Variants in ADAMTS19 observed in about 807,000 individuals in gnomAD.
The protein encoded by ADAMTS19 is ADAM metallopeptidase with thrombospondin type 1 motif 19.
In ADAMTS19, 93 loss-of-function variants were observed where a neutral mutation model predicts 153.3. The ratio of observed to expected loss-of-function variants is 0.61; its 90% CI spans 0.51 to 0.72. The LOEUF is 0.72. ADAMTS19 is among the 30% of genes least tolerant of loss of function. The pLI is 0.00. For missense variants in ADAMTS19, 1,482 were observed against 1,552.1 expected (o/e 0.95, Z 0.76); for synonymous variants, 600 against 556.6 (o/e 1.08, Z -1.10).
chr5:129,526,179 ATG>A, intron 3 of ADAMTS19, 103 bp from the exon 4 acceptor site: 1 of 917,734 alleles, frequency 1.1e-6, no homozygotes, highest in Non-Finnish European at 1.5e-6. Flanking sequence ...TTAAGATTTT[ATG>A]TGTGTCGGGA....
rs552446859 is a variant in ADAMTS19 at position 129,659,763 on chromosome 5, G to T, written c.2425+1026G>T. ...GCCCAGCTAATTTTTTTTTAATTTT[G>T]TTTTTTGTAAACATGGGGTCTCACT... On this transcript the variant is annotated intron_variant, in intron 15 of 22. Coordinates refer to ENST00000274487, the MANE Select transcript of ADAMTS19 (RefSeq NM_133638.6). Among the ~76,000 whole-genome samples, 4 of 151,646 alleles carry T rather than the reference G, an allele frequency of 2.6e-5. No individual in the cohort carries two copies. In the South Asian group the frequency reaches 8.3e-4, roughly 32 times the overall value.
At chr5:129,596,209 T>G (rs944675481) in intron 7 of ADAMTS19, among the ~76,000 whole-genome samples, 1 of 152,108 alleles carries the variant, frequency 6.6e-6, no homozygotes, top group Non-Finnish European at 1.5e-5. Context: ...ATATTTAAAA[T>G]AATCATTGCT....
chr5:129,461,250 G>C lies in ADAMTS19; in HGVS notation c.240G>C (p.Ala80=). The C allele has an allele frequency of 7.9e-7, 1 of 1,263,236 alleles. No homozygotes were observed. Among genetic ancestry groups the C allele is most frequent in the Non-Finnish European group, 9.9e-7 (1 of 1,009,870 alleles). The allele number at this position is 1,263,236 out of a possible 1,614,324, so 78.3% of individuals were successfully genotyped here. A position where few individuals can be genotyped will look rare whatever the true frequency, so the allele number is the denominator to read the frequency against. Residue 80 remains alanine, a synonymous_variant, in exon 2 of 23, where the codon GCG becomes GCC. Transcript: ENST00000274487. This position sits in a 1 kb window ranked among gnomAD's most constrained non-coding sequence, Gnocchi z 4.6. The part of the protein sequence containing the change: ...RGVGGGGSAR[A]QAAGSSREVR... ...TTGGGGGCGGCGGAAGCGCCCGGGCGCAGGCTGCCGGCAGCTCACGCGAGG... is the reference window on the plus strand; with the variant it reads ...TTGGGGGCGGCGGAAGCGCCCGGGCCCAGGCTGCCGGCAGCTCACGCGAGG...
intron 2 of ADAMTS19, among the ~76,000 whole-genome samples, chr5:129,484,391 G>A (rs866169371): frequency 5.9e-5 from 9 of 151,972 alleles, no homozygotes; most frequent in African/African-American, 1.4e-4. Flanking sequence ...ATGTAACAAC[G>A]ATTCCAAATT....
intron 17 of ADAMTS19, among the ~76,000 whole-genome samples, chr5:129,681,178 A>G (rs9327532): frequency 0.027 from 4,090 of 152,296 alleles, 175 homozygotes; most frequent in African/African-American, 0.092. Context: ...ATTTGCTTCT[A>G]CTACTTTAGT....
intron 8 of ADAMTS19, among the ~76,000 whole-genome samples, chr5:129,617,804 T>A (rs955542805): frequency 1.3e-5 from 2 of 152,078 alleles, no homozygotes; most frequent in Non-Finnish European, 2.9e-5. Context: ...TGTTATTTTC[T>A]TGGTTTTTCT....
At chr5:129,641,550 G>T (rs771457147) in intron 10 of ADAMTS19, among the ~76,000 whole-genome samples, 19 of 152,092 alleles carry the variant, frequency 1.2e-4, no homozygotes, top group Non-Finnish European at 2.6e-4. Context: ...TATAAATGAT[G>T]ATTTCTGTCT....
rs1391326071 is a variant in ADAMTS19, at chr5:129,578,374, G to T, written c.1373-18185G>T. ...TATACCTATATGCATGTATATGTACGTATACGTACATATACCTATATGCAT... is the reference window on the plus strand; with the variant it reads ...TATACCTATATGCATGTATATGTACTTATACGTACATATACCTATATGCAT... On this transcript the variant is annotated intron_variant, in intron 7 of 22. Transcript: ENST00000274487. Among the ~76,000 whole-genome samples, 35 of 116,170 alleles carry T rather than the reference G, an allele frequency of 3.0e-4. No individual in the cohort carries two copies. The East Asian group carries it at 9.8e-3, about 33-fold the overall frequency. 76.2% of individuals were successfully genotyped at this position (116,170 alleles called of 152,430 possible).
At chr5:129,671,316 A>C (rs1408581229) in intron 16 of ADAMTS19, among the ~76,000 whole-genome samples, 2 of 152,156 alleles carry the variant, frequency 1.3e-5, no homozygotes, top group African/African-American at 4.8e-5. Flanking sequence ...AAATTCAAGG[A>C]TGACTTCTAG....
At chr5:129,715,564 T>C (rs1021297252) in intron 21 of ADAMTS19, among the ~76,000 whole-genome samples, 3 of 152,164 alleles carry the variant, frequency 2.0e-5, no homozygotes, top group Non-Finnish European at 4.4e-5. Context: ...TTGAGAATTT[T>C]TTATGAGATT....
chr5:129,486,284 T>A (rs1378719940), intron 2 of ADAMTS19, among the ~76,000 whole-genome samples: 1 of 152,158 alleles, frequency 6.6e-6, no homozygotes, highest in Non-Finnish European at 1.5e-5. Context: ...GGATTAATTA[T>A]AAGAAAAATC....
At chr5:129,593,136 C>A (rs1179897806) in intron 7 of ADAMTS19, among the ~76,000 whole-genome samples, 4 of 151,956 alleles carry the variant, frequency 2.6e-5, no homozygotes, top group Admixed American at 2.6e-4. Flanking sequence ...AAGAAAGAAA[C>A]AAAAGTTGTA....
intron 14 of ADAMTS19, among the ~76,000 whole-genome samples, chr5:129,655,739 G>A (rs1753519739): frequency 6.6e-6 from 1 of 152,120 alleles, no homozygotes; most frequent in African/African-American, 2.4e-5. Context: ...GTACTTCTGG[G>A]TAAGAAGCTG....
chr5:129,598,361 T>C (rs1260831844), intron 8 of ADAMTS19, among the ~76,000 whole-genome samples: 1 of 152,152 alleles, frequency 6.6e-6, no homozygotes, highest in African/African-American at 2.4e-5. Context: ...CGCACTTCAG[T>C]AAAGTTTAGT....
intron 6 of ADAMTS19, among the ~76,000 whole-genome samples, chr5:129,549,908 G>A (rs1448113207): frequency 3.1e-4 from 35 of 113,810 alleles, no homozygotes; most frequent in Middle Eastern, 0.01. Context: ...ACATGTATCC[G>A]TATATGTATA....
chr5:129,572,438 G>A (rs112526724), intron 7 of ADAMTS19, among the ~76,000 whole-genome samples: 9,262 of 151,904 alleles, frequency 0.061, 417 homozygotes, highest in Non-Finnish European at 0.088. Flanking sequence ...TCAAAAAAAC[G>A]AAAACTTACA....
intron 2 of ADAMTS19, among the ~76,000 whole-genome samples, chr5:129,496,215 C>T (rs1274435866): frequency 6.6e-6 from 1 of 152,002 alleles, no homozygotes. Context: ...AAACACAACA[C>T]CATCACCACA....
chr5:129,604,925 T>C (rs1017201), intron 8 of ADAMTS19, among the ~76,000 whole-genome samples: 77,747 of 151,958 alleles, frequency 0.51, 22,989 homozygotes, highest in Non-Finnish European at 0.66. Flanking sequence ...TGAAGCTCCA[T>C]CCTTCTAGTG....
At chr5:129,642,950 T>C (rs1752864499) in intron 11 of ADAMTS19, among the ~76,000 whole-genome samples, 1 of 152,018 alleles carries the variant, frequency 6.6e-6, no homozygotes, top group African/African-American at 2.4e-5. Context: ...CAGTTTGTAA[T>C]GGTGAGAAGT....
Sources: gnomAD v4.1 joint callset for allele counts (sites outside exome capture counted in the v4.1 genomes callset) on GRCh38, gnomAD v4.1.1 for gene constraint, Gnocchi (gnomAD v3.1) non-coding constraint, MANE v1.5 for transcripts, NCBI Gene and HGNC (gene_info 2026-07-23, HGNC 2026-07-21) for gene names.